Variants in CNTNAP2 observed in about 807,000 individuals in gnomAD.
CNTNAP2 encodes contactin associated protein 2, also known as contactin-associated protein-like 2.
In CNTNAP2, 98 loss-of-function variants were observed where a neutral mutation model predicts 155.2. The observed-to-expected ratio is 0.63, with a 90% CI of 0.54 to 0.75. The LOEUF (loss-of-function observed/expected upper bound fraction) is 0.75, where lower values mean the gene tolerates loss of function less well. Ranked by LOEUF, CNTNAP2 falls within the 30% of genes least tolerant of loss-of-function variation. The pLI is 0.00. For missense variants in CNTNAP2, 1,727 were observed against 1,688.1 expected (o/e 1.02, Z -0.40); for synonymous variants, 651 against 631.2 (o/e 1.03, Z -0.47).
At chr7:147,754,906 T>A (rs1232074411) in intron 13 of CNTNAP2, among the ~76,000 whole-genome samples, 1 of 152,202 alleles carries the variant, frequency 6.6e-6, no homozygotes, top group African/African-American at 2.4e-5. Context: ...TTAGAAATTT[T>A]CGTAATAAAA....
At chr7:148,253,055 T>TATATA (rs57134961) in intron 20 of CNTNAP2, among the ~76,000 whole-genome samples, 1 of 138,692 alleles carries the variant, frequency 7.2e-6, no homozygotes, top group Non-Finnish European at 1.6e-5. Flanking sequence ...GATAGACAGA[T>TATATA]GATAGATAGA....
intron 12 of CNTNAP2, among the ~76,000 whole-genome samples, chr7:147,628,562 A>G (rs1795028884): frequency 1.3e-5 from 2 of 152,178 alleles, no homozygotes; most frequent in Non-Finnish European, 2.9e-5. Context: ...TAACACAATT[A>G]AAACAAAACA....
At chr7:147,521,215 TA>T (rs1459197799) in intron 11 of CNTNAP2, among the ~76,000 whole-genome samples, 10 of 152,204 alleles carry the variant, frequency 6.6e-5, no homozygotes, top group Admixed American at 3.3e-4. Flanking sequence ...TAAATTCCAT[TA>T]ATTTGCCTGC....
intron 1 of CNTNAP2, among the ~76,000 whole-genome samples, chr7:146,715,780 T>C (rs1801177043): frequency 6.6e-6 from 1 of 152,200 alleles, no homozygotes; most frequent in Admixed American, 6.5e-5. Context: ...GATTACTTAA[T>C]TGCCTGTTTA....
At chr7:147,278,312 A>T (rs934934447) in intron 8 of CNTNAP2, among the ~76,000 whole-genome samples, 3 of 151,768 alleles carry the variant, frequency 2.0e-5, no homozygotes, top group Non-Finnish European at 3.0e-5. Flanking sequence ...AATATTAAGC[A>T]ATGTTCACTG....
intron 3 of CNTNAP2, among the ~76,000 whole-genome samples, chr7:146,858,301 A>C (rs1324218462): frequency 6.6e-6 from 1 of 152,212 alleles, no homozygotes; most frequent in African/African-American, 2.4e-5. Context: ...TGCCTAAATG[A>C]GAAAGAGATT....
intron 1 of CNTNAP2, among the ~76,000 whole-genome samples, chr7:146,299,003 G>A (rs1423461430): frequency 1.3e-5 from 2 of 152,106 alleles, no homozygotes; most frequent in Non-Finnish European, 2.9e-5. Context: ...GGCCAGGTGT[G>A]GTGGATCACG....
intron 1 of CNTNAP2, among the ~76,000 whole-genome samples, chr7:146,154,438 C>A (rs1341156238): frequency 6.6e-6 from 1 of 152,152 alleles, no homozygotes; most frequent in Admixed American, 6.6e-5. Flanking sequence ...AAAACTTCTT[C>A]TGCACTTTCT....
At chr7:147,508,627 T>C (rs1047883619) in intron 11 of CNTNAP2, among the ~76,000 whole-genome samples, 1 of 152,172 alleles carries the variant, frequency 6.6e-6, no homozygotes, top group Non-Finnish European at 1.5e-5. Context: ...TCATATTGAA[T>C]TGTAGCTCCC....
At chr7:148,232,905 A>G (rs569284656) in intron 20 of CNTNAP2, among the ~76,000 whole-genome samples, 45 of 152,322 alleles carry the variant, frequency 3.0e-4, no homozygotes, top group African/African-American at 8.4e-4. Flanking sequence ...CTTGAGGGAA[A>G]CTGACCTTGG....
chr7:146,468,136 G>A (rs1311800775), intron 1 of CNTNAP2, among the ~76,000 whole-genome samples: 1 of 152,048 alleles, frequency 6.6e-6, no homozygotes, highest in Non-Finnish European at 1.5e-5. Context: ...TTTTTAAAAA[G>A]TACATCAAAA....
In CNTNAP2 at chr7:147,999,603, C is replaced by T. The variant is rs146924487; in HGVS notation, c.2383+21614C>T. Among the ~76,000 whole-genome samples the T allele has an allele frequency of 2.7e-3, 409 of 152,232 alleles. 1 individual carries two copies. Among genetic ancestry groups the T allele is most frequent in the African/African-American group, 9.2e-3 (382 of 41,534 alleles). On this transcript the variant is annotated intron_variant, in intron 15 of 23. Coordinates refer to ENST00000361727, the MANE Select transcript of CNTNAP2 (RefSeq NM_014141.6). Reference sequence around the variant, plus strand: ...AAAAGAGATGTTGAAGTCGTATCCCCTCATGCCTGTGAATATGATCTTGTA... The same window carrying T: ...AAAAGAGATGTTGAAGTCGTATCCCTTCATGCCTGTGAATATGATCTTGTA...
intron 1 of CNTNAP2, among the ~76,000 whole-genome samples, chr7:146,633,847 A>AAAAAAAAC (rs1799552599): frequency 6.0e-5 from 9 of 151,034 alleles, no homozygotes; most frequent in Non-Finnish European, 4.4e-5. Flanking sequence ...AAAAAAAAAA[A>AAAAAAAAC]AAAAAAAAAC....
At chr7:148,040,077 G>A (rs866008782) in intron 15 of CNTNAP2, among the ~76,000 whole-genome samples, 3 of 152,096 alleles carry the variant, frequency 2.0e-5, no homozygotes, top group Non-Finnish European at 2.9e-5. Flanking sequence ...TTCAGATGCC[G>A]GCTCTTTCTC....
At chr7:148,017,244 A>C (rs1277257891) in intron 15 of CNTNAP2, among the ~76,000 whole-genome samples, 1 of 152,186 alleles carries the variant, frequency 6.6e-6, no homozygotes, top group African/African-American at 2.4e-5. Context: ...ATCTGTCAAA[A>C]TGTTTACTAA....
intron 13 of CNTNAP2, among the ~76,000 whole-genome samples, chr7:147,802,232 G>T (rs1400796935): frequency 8.3e-6 from 1 of 120,962 alleles, no homozygotes; most frequent in Admixed American, 9.2e-5. Context: ...GCCGGGAAGA[G>T]ACGCTCCTCA....
intron 11 of CNTNAP2, among the ~76,000 whole-genome samples, chr7:147,524,189 T>C (rs941404821): frequency 6.6e-6 from 1 of 152,204 alleles, no homozygotes; most frequent in African/African-American, 2.4e-5. Context: ...AAAATATCCT[T>C]TTGCTATTAC....
chr7:146,464,314 A>G (rs965510656), intron 1 of CNTNAP2, among the ~76,000 whole-genome samples: 17 of 151,630 alleles, frequency 1.1e-4, no homozygotes, highest in African/African-American at 3.9e-4. Flanking sequence ...CCTCCCTATC[A>G]GAATATTTAA....
At chr7:146,531,224 T>C (rs1482002162) in intron 1 of CNTNAP2, among the ~76,000 whole-genome samples, 1 of 152,046 alleles carries the variant, frequency 6.6e-6, no homozygotes, top group Non-Finnish European at 1.5e-5. Context: ...TACTTGAGGA[T>C]GGAGGGAGGG....
Sources: allele counts gnomAD v4.1 joint callset (sites outside exome capture counted in the v4.1 genomes callset), GRCh38; gene constraint gnomAD v4.1.1; transcripts MANE v1.5; gene names NCBI Gene and HGNC (gene_info 2026-07-23, HGNC 2026-07-21).